Variants in LDHD observed in about 807,000 individuals in gnomAD.
The protein encoded by LDHD is lactate dehydrogenase D, also known as D-lactate dehydrogenase, mitochondrial.
LDHD carries 58 observed loss-of-function variants against 52.9 expected under a neutral mutation model. The ratio of observed to expected loss-of-function variants is 1.10; its 90% CI spans 0.89 to 1.36. The LOEUF is 1.36. Ranked by LOEUF, LDHD falls within the 40% of genes most tolerant of loss-of-function variation. LDHD has a pLI of 0.00. For missense variants in LDHD, 747 were observed against 668.0 expected (o/e 1.12, Z -1.30); for synonymous variants, 350 against 288.6 (o/e 1.21, Z -2.16).
intron 4 of LDHD, 40 bp from the exon 5 acceptor site, chr16:75,114,725 G>T: frequency 6.5e-7 from 1 of 1,548,840 alleles, no homozygotes; most frequent in Non-Finnish European, 8.7e-7. Context: ...AGGGACCGGA[G>T]GTCCTTTCCC....
chr16:75,114,813 T>C lies in LDHD; in HGVS notation c.469+14A>G. The C allele has an allele frequency of 3.1e-6, 5 of 1,608,958 alleles. No homozygotes were observed. The highest frequency in any genetic ancestry group is 4.2e-6 in the Non-Finnish European group (5 of 1,177,502). On this transcript the variant is annotated intron_variant, in intron 4 of 10. Coordinates refer to ENST00000450168, the MANE Select transcript of LDHD (RefSeq NM_194436.3). ...GGTGCCCTCAGGGTCCCAGGAAAGG[T>C]TCGCGAGTCCTACCCACGGGAAACC...
chr16:75,115,370 G>A, intron 2 of LDHD, 31 bp from the exon 3 acceptor site: 1 of 1,611,748 alleles, frequency 6.2e-7, no homozygotes, highest in Admixed American at 1.7e-5. Context: ...ATTTAGCGGG[G>A]CGTGACACCC....
In LDHD at chr16:75,113,631, G is replaced by A. The variant is rs1347453137; in HGVS notation, c.990C>T (p.Asp330=). Residue 330 remains aspartate (D), a synonymous_variant, in exon 8 of 11, where the codon GAC becomes GAT. Coordinates refer to ENST00000450168, the MANE Select transcript of LDHD (RefSeq NM_194436.3). ...EEIVQQNGAS[D]FSWAKEAEER... Reference sequence around the variant, plus strand: ...CCTCGGCCTCCTTGGCCCAGGAGAAGTCAGAGGCTCCGTTCTGCTGGACTA... The same window carrying A: ...CCTCGGCCTCCTTGGCCCAGGAGAAATCAGAGGCTCCGTTCTGCTGGACTA... 2 of 1,613,350 alleles carry A rather than the reference G, an allele frequency of 1.2e-6. No homozygotes were observed. The highest frequency in any genetic ancestry group is 1.3e-5 in the African/African-American group (1 of 75,058).
At chr16:75,114,303 GC>G in intron 5 of LDHD, 138 bp from the exon 6 acceptor site, 1 of 1,517,190 alleles carries the variant, frequency 6.6e-7, no homozygotes, top group Non-Finnish European at 8.8e-7. Context: ...AGTTTCCCTG[GC>G]CCAGTGCTTT....
In LDHD at chr16:75,116,713, C is replaced by G; in HGVS notation, c.8G>C (p.Arg3Pro). 6.3e-7 allele frequency: 1 copy of G among 1,590,118 alleles called. No individual in the cohort carries two copies. Among genetic ancestry groups the G allele is most frequent in the South Asian group, 1.1e-5 (1 of 87,300 alleles). Residue 3 changes from arginine (R) to proline (P), a missense_variant, in exon 1 of 11, where the codon CGA becomes CCA. Transcript: ENST00000450168. MARLLRSATWELF... is the reference protein window; with the variant it reads MAPLLRSATWELF... ...CTCCCAGGTTGCAGACCTGAGCAGT[C>G]GGGCCATAGCCAGGCACTGGCCAGA...
intron 5 of LDHD, 102 bp downstream of exon 5, chr16:75,114,424 C>T (rs915714755): frequency 1.9e-5 from 26 of 1,381,926 alleles, no homozygotes; most frequent in South Asian, 1.2e-4. Context: ...CCTGCCAAAC[C>T]AGGGGGCCGC....
chr16:75,115,869 C>G (rs1272986312), intron 1 of LDHD, among the ~76,000 whole-genome samples: 1 of 152,028 alleles, frequency 6.6e-6, no homozygotes, highest in Non-Finnish European at 1.5e-5. Flanking sequence ...CATTGGGGGT[C>G]AAAGTTTCCC....
In LDHD at chr16:75,112,880, C is replaced by T. The variant is rs769675132; in HGVS notation, c.1131G>A (p.Glu377=). ...GATCCTCCTTGGTCTGCACCACGAT[C>T]TCCGGCAGCCGGGAGATGGGCACAC... ...DVCVPISRLP[E]IVVQTKEDLN... The change falls in exon 9 of 11, where the codon GAG becomes GAA. Residue 377 remains glutamate (E), a synonymous_variant. Coordinates refer to ENST00000450168, the MANE Select transcript of LDHD (RefSeq NM_194436.3). The T allele has an allele frequency of 1.2e-6, 2 of 1,613,338 alleles. No individual in the cohort carries two copies. Among genetic ancestry groups the T allele is most frequent in the South Asian group, 2.2e-5 (2 of 91,060 alleles).
At position 75,114,898 on chromosome 16, in the gene LDHD, A is replaced by C; in HGVS notation, c.398T>G (p.Val133Gly). ...TTTGCGGGTGACACCTGGCTCCACC[A>C]CCACAGAGAAGTCCTCCTGGTTCAG... ...LELNQEDFSV[V>G]VEPGVTRKAL... The change falls in exon 4 of 11, where the codon GTG becomes GGG. Residue 133 changes from valine (V) to glycine (G), a missense_variant. By Grantham distance (109) the Val-to-Gly change is moderately radical. Coordinates refer to ENST00000450168, the MANE Select transcript of LDHD (RefSeq NM_194436.3). 6.2e-7 allele frequency: 1 copy of C among 1,614,050 alleles called. No homozygotes were observed. Among genetic ancestry groups the C allele is most frequent in the South Asian group, 1.1e-5 (1 of 91,090 alleles).
chr16:75,113,509 C>T, intron 8 of LDHD, 26 bp downstream of exon 8: 2 of 1,587,244 alleles, frequency 1.3e-6, no homozygotes, highest in South Asian at 2.3e-5. Flanking sequence ...GCTGTGGGCC[C>T]CATCTGTACC....
Position 75,113,550 on chromosome 16 carries a change from C to T in LDHD, c.1071G>A (p.Thr357=), listed in dbSNP as rs916656057. The T allele has an allele frequency of 2.1e-5, 33 of 1,608,638 alleles. No homozygotes were observed. Among genetic ancestry groups the T allele is most frequent in the African/African-American group, 2.7e-5 (2 of 74,766 alleles). The change falls in exon 8 of 11, where the codon ACG becomes ACA. Residue 357 remains threonine, a synonymous_variant. Transcript: ENST00000450168. ...CCCAGCTCACCTTGCAGCCTGGCCG[C>T]GTGGCCAGGGCTGCGTACCAGGCAT... ...RHNAWYAALA[T]RPGCKGYSTD...
intron 5 of LDHD, 92 bp from the exon 6 acceptor site, chr16:75,114,257 CAG>C: frequency 1.9e-6 from 3 of 1,576,290 alleles, no homozygotes; most frequent in Non-Finnish European, 2.6e-6. Context: ...ACACCGACCC[CAG>C]GCACTGAGGT....
chr16:75,114,398 G>T, intron 5 of LDHD, 128 bp downstream of exon 5: 2 of 1,344,106 alleles, frequency 1.5e-6, no homozygotes, highest in Non-Finnish European at 2.0e-6. Context: ...GGGCTTCAGA[G>T]CCTGAGGAAG....
At position 75,114,678 on chromosome 16, in the gene LDHD, G is replaced by T. The variant is rs1193987520; in HGVS notation, c.477C>A (p.Gly159=). 5 of 1,534,832 alleles carry T rather than the reference G, an allele frequency of 3.3e-6. No individual in the cohort carries two copies. The highest frequency in any genetic ancestry group is 4.4e-6 in the Non-Finnish European group (5 of 1,140,748). ...DSGLWFPVDP[G]ADASLCGMAA... is the part of the protein sequence containing the mutation. ...CCATGCCACAGAGAGAGGCGTCCGCGCCTGGGTCTGGAGGGCGGCGTACAG... is the reference window on the plus strand; with the variant it reads ...CCATGCCACAGAGAGAGGCGTCCGCTCCTGGGTCTGGAGGGCGGCGTACAG... Residue 159 remains glycine, a synonymous_variant, in exon 5 of 11, where the codon GGC becomes GGA. Transcript: ENST00000450168.
In LDHD at chr16:75,115,577, C is replaced by T. The variant is rs747418910; in HGVS notation, c.156G>A (p.Glu52=). The change falls in exon 2 of 11, where the codon GAG becomes GAA. Residue 52 remains glutamate, a synonymous_variant. Coordinates refer to ENST00000450168, the MANE Select transcript of LDHD (RefSeq NM_194436.3). ...GCACCGACTCATCGCGCCCGTGCTG[C>T]TCTCGGACCACCGCGGCAGTGGACA... ...SHVSTAAVVR[E]QHGRDESVHR... The T allele has an allele frequency of 2.2e-5, 36 of 1,612,974 alleles. No individual in the cohort carries two copies. Among genetic ancestry groups the T allele is most frequent in the Non-Finnish European group, 3.0e-5 (35 of 1,179,956 alleles).
Position 75,113,621 on chromosome 16 carries a change from C to T in LDHD, c.1000G>A (p.Ala334Thr), listed in dbSNP as rs1597921110. 1 of 1,613,268 alleles carries T rather than the reference C, an allele frequency of 6.2e-7. No homozygotes were observed. Among genetic ancestry groups the T allele is most frequent in the Non-Finnish European group, 8.5e-7 (1 of 1,179,994 alleles). ...CGGCTGCGCTCCTCGGCCTCCTTGGCCCAGGAGAAGTCAGAGGCTCCGTTC... is the reference window on the plus strand; with the variant it reads ...CGGCTGCGCTCCTCGGCCTCCTTGGTCCAGGAGAAGTCAGAGGCTCCGTTC... The part of the protein sequence containing the change: ...QQNGASDFSW[A>T]KEAEERSRLW... Residue 334 changes from alanine (A) to threonine (T), a missense_variant, in exon 8 of 11, where the codon GCC becomes ACC. Coordinates refer to ENST00000450168, the MANE Select transcript of LDHD (RefSeq NM_194436.3).
chr16:75,114,507 C>A lies in LDHD; in HGVS notation c.629+19G>T. The A allele has an allele frequency of 5.3e-6, 8 of 1,497,252 alleles. No individual in the cohort carries two copies. The highest frequency in any genetic ancestry group is 7.1e-6 in the Non-Finnish European group (8 of 1,126,544). The allele number at this position is 1,497,252 out of a possible 1,614,324, so 92.7% of individuals were successfully genotyped here. On this transcript the variant is annotated intron_variant, in intron 5 of 10. Coordinates refer to ENST00000450168, the MANE Select transcript of LDHD (RefSeq NM_194436.3). ...AGTGCCCAGGGCCAGAGCCCGGGCCCCCCGCAGAGGGCGCTCACCGGAAAT... is the reference window on the plus strand; with the variant it reads ...AGTGCCCAGGGCCAGAGCCCGGGCCACCCGCAGAGGGCGCTCACCGGAAAT...
rs2036510097 is a variant in LDHD, at chr16:75,114,909, GTCC to G, written c.384_386del (p.Glu128del). The G allele has an allele frequency of 6.2e-7, 1 of 1,613,962 alleles. No individual in the cohort carries two copies. The highest frequency in any genetic ancestry group is 1.7e-5 in the Admixed American group (1 of 59,990). ...CACCTGGCTCCACCACCACAGAGAAGTCCTCCTGGTTCAGCTCCAGGATTCGGT... is the reference window on the plus strand; with the variant it reads ...CACCTGGCTCCACCACCACAGAGAAGTCCTGGTTCAGCTCCAGGATTCGGT... On this transcript the variant is annotated inframe_deletion, in exon 4 of 11. Coordinates refer to ENST00000450168, the MANE Select transcript of LDHD (RefSeq NM_194436.3).
In LDHD at chr16:75,114,851, C is replaced by G; in HGVS notation, c.445G>C (p.Asp149His). The change falls in exon 4 of 11, where the codon GAC becomes CAC. Residue 149 changes from aspartate to histidine, a missense_variant. Physicochemically the swap from Asp to His is moderately conservative, Grantham distance 81. Transcript: ENST00000450168. The part of the protein sequence containing the change: ...TRKALNAHLR[D>H]SGLWFPVDPG... ...CCCACGGGAAACCAGAGGCCGCTGT[C>G]CCGCAGGTGGGCGTTGAGGGCTTTG... 1.2e-6 allele frequency: 2 copies of G among 1,613,744 alleles called. No individual in the cohort carries two copies. Among genetic ancestry groups the G allele is most frequent in the Non-Finnish European group, 1.7e-6 (2 of 1,179,878 alleles).
Sources: allele counts gnomAD v4.1 joint callset (sites outside exome capture counted in the v4.1 genomes callset), GRCh38; gene constraint gnomAD v4.1.1; transcripts MANE v1.5; gene names NCBI Gene and HGNC (gene_info 2026-07-23, HGNC 2026-07-21).